Variants in DTNA observed in about 807,000 individuals in gnomAD.
DTNA encodes dystrophin-related protein 3.
DTNA carries 43 observed loss-of-function variants against 100.7 expected under a neutral mutation model. That is an observed-to-expected ratio of 0.43 (90% CI 0.33 to 0.55). The LOEUF is 0.55. Ranked by LOEUF, DTNA falls within the 20% of genes least tolerant of loss-of-function variation. DTNA has a pLI of 0.04. For synonymous variants in DTNA, 349 were observed against 347.9 expected (o/e 1.00, Z -0.04); for missense variants, 798 against 953.9 (o/e 0.84, Z 2.15).
chr18:34,543,409 T>C (rs899254871), intron 1 of DTNA, among the ~76,000 whole-genome samples: 1 of 152,110 alleles, frequency 6.6e-6, no homozygotes, highest in African/African-American at 2.4e-5. Context: ...CATGAAGTTC[T>C]AAACACAGCT....
At chr18:34,777,212 A>G (rs758470509) in intron 3 of DTNA, among the ~76,000 whole-genome samples, 1 of 152,220 alleles carries the variant, frequency 6.6e-6, no homozygotes, top group Admixed American at 6.5e-5. Flanking sequence ...AGATCAGTGT[A>G]TGTCTTGTGT....
chr18:34,601,830 G>A (rs2051905023), intron 1 of DTNA, among the ~76,000 whole-genome samples: 1 of 152,166 alleles, frequency 6.6e-6, no homozygotes. Context: ...ACCACTCAGG[G>A]AGTCCTGCCC....
In DTNA at chr18:34,617,014, A is replaced by G. The variant is rs76356830; in HGVS notation, c.-2+123500A>G. ...GATGATGTTGTTTATCATATCTAAT[A>G]TCTTTTGGGAAGAGTCTGTGGGTTT... is the stretch of plus-strand genomic sequence containing the variant. On this transcript the variant is annotated intron_variant, in intron 1 of 19. Transcript: ENST00000283365. Among the ~76,000 whole-genome samples, 1,028 of 152,272 alleles carry G rather than the reference A, an allele frequency of 6.8e-3. 8 individuals carry two copies. Among genetic ancestry groups the G allele is most frequent in the Middle Eastern group, 0.027 (8 of 294 alleles).
chr18:34,583,453 T>C (rs2048828063), intron 1 of DTNA, among the ~76,000 whole-genome samples: 1 of 152,082 alleles, frequency 6.6e-6, no homozygotes, highest in African/African-American at 2.4e-5. Context: ...ATTAAAATGG[T>C]GGATGGGATA....
At chr18:34,872,280 G>A (rs2096772804) in intron 17 of DTNA, among the ~76,000 whole-genome samples, 1 of 152,154 alleles carries the variant, frequency 6.6e-6, no homozygotes. Context: ...AGAAAAGGAG[G>A]TGGAAGGGCC....
At position 34,860,318 on chromosome 18, in the gene DTNA, C is replaced by T. The variant is rs182414421; in HGVS notation, c.1646+1920C>T. 2.7e-3 allele frequency among the ~76,000 whole-genome samples: 406 copies of T among 147,826 alleles called. 1 individual carries two copies. Among genetic ancestry groups the T allele is most frequent in the African/African-American group, 9.6e-3 (384 of 39,994 alleles). On this transcript the variant is annotated intron_variant, in intron 16 of 22. Transcript: ENST00000444659. ...TCCTGACCTCGTGATCCACCTGCCT[C>T]GGCCTCCCAAAGTGCTGGAATTACA...
intron 1 of DTNA, among the ~76,000 whole-genome samples, chr18:34,718,138 T>A (rs2084437528): frequency 6.6e-6 from 1 of 152,192 alleles, no homozygotes; most frequent in Non-Finnish European, 1.5e-5. Flanking sequence ...CCAAGGAAAC[T>A]GAGCGTATCT....
At chr18:34,742,093 G>A (rs2090753943) in intron 1 of DTNA, among the ~76,000 whole-genome samples, 1 of 152,142 alleles carries the variant, frequency 6.6e-6, no homozygotes, top group Admixed American at 6.6e-5. Context: ...GGAGGATTAG[G>A]GAGGTAGTGC....
At chr18:34,762,493 C>T (rs1341086647) in intron 2 of DTNA, among the ~76,000 whole-genome samples, 1 of 152,132 alleles carries the variant, frequency 6.6e-6, no homozygotes, top group Non-Finnish European at 1.5e-5. Context: ...CAGAACTAAT[C>T]CCAAAGTAGG....
At chr18:34,545,371 A>G (rs1213780898) in intron 1 of DTNA, among the ~76,000 whole-genome samples, 1 of 152,128 alleles carries the variant, frequency 6.6e-6, no homozygotes, top group East Asian at 1.9e-4. Context: ...CCAAGTTTAT[A>G]TTCCTACTAG....
chr18:34,609,341 T>C (rs1598998925), intron 1 of DTNA, among the ~76,000 whole-genome samples: 1 of 147,722 alleles, frequency 6.8e-6, no homozygotes, highest in African/African-American at 2.5e-5. Context: ...GCCTCCCGGG[T>C]TCAAGCGATT....
chr18:34,617,873 T>G (rs1014681215), intron 1 of DTNA, among the ~76,000 whole-genome samples: 1 of 152,222 alleles, frequency 6.6e-6, no homozygotes, highest in African/African-American at 2.4e-5. Flanking sequence ...TGTGATCCTT[T>G]CATTGTGATA....
chr18:34,513,328 T>C (rs942082263), intron 1 of DTNA, among the ~76,000 whole-genome samples: 4 of 152,166 alleles, frequency 2.6e-5, no homozygotes, highest in African/African-American at 9.6e-5. Flanking sequence ...CAAAACTAAA[T>C]AGTTATGGTC....
intron 1 of DTNA, among the ~76,000 whole-genome samples, chr18:34,652,242 T>G (rs2060543304): frequency 6.6e-6 from 1 of 151,958 alleles, no homozygotes; most frequent in Non-Finnish European, 1.5e-5. Flanking sequence ...CCAGAAGGAA[T>G]AGCATGTGTA....
At chr18:34,670,330 T>G (rs975993918) in intron 1 of DTNA, among the ~76,000 whole-genome samples, 2 of 152,198 alleles carry the variant, frequency 1.3e-5, no homozygotes, top group Non-Finnish European at 2.9e-5. Context: ...CATCTAATCT[T>G]TTTTCAAGGT....
intron 1 of DTNA, among the ~76,000 whole-genome samples, chr18:34,728,137 A>G (rs2087176505): frequency 1.3e-5 from 2 of 152,228 alleles, no homozygotes; most frequent in African/African-American, 2.4e-5. Flanking sequence ...TGCATACTCA[A>G]TGTGAATGCA....
intron 1 of DTNA, among the ~76,000 whole-genome samples, chr18:34,620,285 G>C (rs1194483241): frequency 6.6e-6 from 1 of 152,098 alleles, no homozygotes; most frequent in Non-Finnish European, 1.5e-5. Context: ...TAGCTAAATG[G>C]GGAACCCAAA....
At chr18:34,632,452 C>T (rs1300104994) in intron 1 of DTNA, among the ~76,000 whole-genome samples, 2 of 152,138 alleles carry the variant, frequency 1.3e-5, no homozygotes, top group Non-Finnish European at 2.9e-5. Context: ...GGGCATGGTG[C>T]CTTATTTAAC....
chr18:34,623,023 A>G (rs1203122323), intron 1 of DTNA, among the ~76,000 whole-genome samples: 1 of 152,012 alleles, frequency 6.6e-6, no homozygotes, highest in Non-Finnish European at 1.5e-5. Flanking sequence ...GTAACATCAG[A>G]CTCTCTTAAA....
Sources: allele counts gnomAD v4.1 joint callset (sites outside exome capture counted in the v4.1 genomes callset), GRCh38; gene constraint gnomAD v4.1.1; transcripts MANE v1.5; gene names NCBI Gene and HGNC (gene_info 2026-07-23, HGNC 2026-07-21).